The following PODN variants were observed in gnomAD, a reference collection of about 807,000 sequenced individuals.
PODN encodes podocan proteoglycan.
PODN carries 40 observed loss-of-function variants against 52.7 expected under a neutral mutation model. The ratio of observed to expected loss-of-function variants is 0.76; its 90% CI spans 0.59 to 0.99. The LOEUF is 0.99. Ranked by LOEUF, PODN falls within the 50% of genes least tolerant of loss-of-function variation. PODN has a pLI of 0.00. For synonymous variants in PODN, 396 were observed against 377.9 expected (o/e 1.05, Z -0.56); for missense variants, 720 against 815.1 (o/e 0.88, Z 1.42).
chr1:53,062,317 C>A lies in PODN; in HGVS notation c.-56+9C>A. 1 of 1,247,228 alleles carries A rather than the reference C, an allele frequency of 8.0e-7. No homozygotes were observed. Among genetic ancestry groups the A allele is most frequent in the South Asian group, 4.1e-5 (1 of 24,540 alleles). The allele number at this position is 1,247,228 out of a possible 1,614,324, so 77.3% of individuals were successfully genotyped here. On this transcript the variant is annotated intron_variant, in intron 1 of 10. Transcript: ENST00000312553. ...GCGCCGGGGCGCAGCAGGTACAGGG[C>A]GCTGGCAGCCGGGGTGGGCCGAGGG...
chr1:53,068,459 C>T (rs1644064597), intron 1 of PODN, among the ~76,000 whole-genome samples: 3 of 152,206 alleles, frequency 2.0e-5, no homozygotes. Context: ...TTGCCGCTGT[C>T]CCTGCTGCTC....
In PODN at chr1:53,082,090, G is replaced by T. The variant is rs1400384213; in HGVS notation, c.1771G>T (p.Asp591Tyr). The T allele has an allele frequency of 9.9e-6, 16 of 1,614,090 alleles. No individual in the cohort carries two copies. In the East Asian group the frequency reaches 3.6e-4, roughly 36 times the overall value. ...GNLEFGDISK[D>Y]RGRLGKEKEE... The stretch of plus-strand genomic sequence containing the variant: ...CTTAGAGTTTGGTGACATTTCCAAG[G>T]ACCGTGGCCGCTTGGGGAAGGAAAA... Residue 591 changes from aspartate to tyrosine, a missense_variant, in exon 10 of 11, where the codon GAC becomes TAC. Coordinates refer to ENST00000312553, the MANE Select transcript of PODN (RefSeq NM_153703.5).
chr1:53,077,060 C>A, intron 5 of PODN, 130 bp from the exon 6 acceptor site: 1 of 1,168,920 alleles, frequency 8.6e-7, no homozygotes, highest in Non-Finnish European at 1.2e-6. Context: ...ATCTGAGGTG[C>A]TTCTAACTCT....
rs764670094 is a variant in PODN, at chr1:53,082,100, G to T, written c.1781G>T (p.Arg594Leu). ...GGTGACATTTCCAAGGACCGTGGCC[G>T]CTTGGGGAAGGAAAAGGAGGAGGAG... ...EFGDISKDRG[R>L]LGKEKEEEEE... The change falls in exon 10 of 11, where the codon CGC (arginine) becomes CTC (leucine). Residue 594 changes from arginine (R) to leucine (L), a missense_variant. Coordinates refer to ENST00000312553, the MANE Select transcript of PODN (RefSeq NM_153703.5). The T allele has an allele frequency of 1.2e-6, 2 of 1,613,832 alleles. No homozygotes were observed. The highest frequency in any genetic ancestry group is 1.7e-6 in the Non-Finnish European group (2 of 1,179,994).
At chr1:53,077,906 C>A (rs990609030) in intron 7 of PODN, 106 bp downstream of exon 7, 1 of 834,288 alleles carries the variant, frequency 1.2e-6, no homozygotes, top group African/African-American at 1.7e-5. Context: ...GTCCCCTGCC[C>A]ACCTTCCCTG....
In PODN at chr1:53,078,351, C is replaced by G; in HGVS notation, c.855-14C>G. On this transcript the variant is annotated splice_polypyrimidine_tract_variant and intron_variant, in intron 7 of 10. Coordinates refer to ENST00000312553, the MANE Select transcript of PODN (RefSeq NM_153703.5). ...GGGCTCTTGCCAACCGTCCTAATTC[C>G]CTCCCTGCCCCAGGAAGCTCTCCAG... 8 of 1,602,774 alleles carry G rather than the reference C, an allele frequency of 5.0e-6. No homozygotes were observed. The highest frequency in any genetic ancestry group is 6.0e-6 in the Non-Finnish European group (7 of 1,171,884).
rs775107579 is a variant in PODN at position 53,080,739 on chromosome 1, C to T, written c.1524C>T (p.Ile508=). Residue 508 remains isoleucine, a synonymous_variant, in exon 9 of 11, where the codon ATC becomes ATT. Coordinates refer to ENST00000312553, the MANE Select transcript of PODN (RefSeq NM_153703.5). ...VDLAHLQLLD[I]AGNQLTEIPE... ...GGTCACCCCTGCAGCTGCTGGACAT[C>T]GCCGGGAATCAGCTCACAGAGATCC... is the stretch of plus-strand genomic sequence containing the variant. 76 of 1,613,760 alleles carry T rather than the reference C, an allele frequency of 4.7e-5. No individual in the cohort carries two copies. Among genetic ancestry groups the T allele is most frequent in the Non-Finnish European group, 5.9e-5 (70 of 1,179,904 alleles).
chr1:53,078,516 G>A lies in PODN; in HGVS notation c.1006G>A (p.Glu336Lys). Residue 336 changes from glutamate (E) to lysine (K), a missense_variant, in exon 8 of 11, where the codon GAG becomes AAG. Physicochemically the swap from Glu to Lys is moderately conservative, Grantham distance 56. Coordinates refer to ENST00000312553, the MANE Select transcript of PODN (RefSeq NM_153703.5). ...ANVLTPIRSL[E>K]YLLLHSNQLR... ...TGTGCTGACCCCCATCCGCAGCCTG[G>A]AGTACCTGCTGCTGCACAGCAACCA... The A allele has an allele frequency of 6.2e-7, 1 of 1,613,300 alleles. No homozygotes were observed. The highest frequency in any genetic ancestry group is 8.5e-7 in the Non-Finnish European group (1 of 1,180,042).
At chr1:53,079,803 C>T (rs1435194228) in intron 8 of PODN, among the ~76,000 whole-genome samples, 2 of 151,478 alleles carry the variant, frequency 1.3e-5, no homozygotes, top group South Asian at 2.1e-4. Context: ...GAGGCTTGCC[C>T]GGGCAACATA....
chr1:53,067,915 TAAAA>T (rs71844234), intron 1 of PODN, among the ~76,000 whole-genome samples: 2 of 96,356 alleles, frequency 2.1e-5, no homozygotes, highest in African/African-American at 4.1e-5. Context: ...GGCCTTGTCT[TAAAA>T]AAAAAAAAAA....
chr1:53,063,825 C>T lies in PODN; in HGVS notation c.-56+1517C>T, dbSNP rs530991081. On this transcript the variant is annotated intron_variant, in intron 1 of 10. Transcript: ENST00000312553. ...TGTAGTCATACATGCGAGTGCTGGC[C>T]GTGTCCTGCTTGGAACCCTTAATGA... Among the ~76,000 whole-genome samples the T allele has an allele frequency of 6.8e-4, 104 of 152,244 alleles. 1 individual carries two copies. Among genetic ancestry groups the T allele is most frequent in the Admixed American group, 1.3e-3 (20 of 15,298 alleles).
At chr1:53,077,927 T>G (rs1286083363) in intron 7 of PODN, 127 bp downstream of exon 7, 7 of 703,228 alleles carry the variant, frequency 1.0e-5, no homozygotes, top group Non-Finnish European at 1.7e-5. Flanking sequence ...GAGAAGGAAC[T>G]TTAAGCCTTG....
rs1000667242 is a variant in PODN at position 53,071,604 on chromosome 1, C to T, written c.382C>T (p.Gln128Ter). Residue 128 changes from glutamine (Q) to a stop codon, truncating the protein, a stop_gained, in exon 3 of 11, where the codon CAA (glutamine) becomes TAA (stop). Coordinates refer to ENST00000312553, the MANE Select transcript of PODN (RefSeq NM_153703.5). LOFTEE classifies it high-confidence loss of function. ...RLHRLETLNL[Q>*]NNRLTSRGLP... ...GCACCGGCTGGAGACGCTGAACCTG[C>T]AAAACAACCGCCTGACTTCCCGAGG... 6.2e-7 allele frequency: 1 copy of T among 1,613,706 alleles called. No individual in the cohort carries two copies. Among genetic ancestry groups the T allele is most frequent in the Admixed American group, 1.7e-5 (1 of 59,990 alleles).
chr1:53,075,741 G>A, intron 4 of PODN, 121 bp from the exon 5 acceptor site: 2 of 756,720 alleles, frequency 2.6e-6, no homozygotes, highest in Non-Finnish European at 4.5e-6. Context: ...TTCAATTTGA[G>A]AAAGATGGCC....
At position 53,078,642 on chromosome 1, in the gene PODN, C is replaced by T. The variant is rs1366642435; in HGVS notation, c.1132C>T (p.Leu378=). ...NNALERVPSG[L]PRRVRTLMIL... ...CGCGCTGGAGCGCGTGCCCAGTGGCCTGCCTCGCCGCGTGCGCACCCTCAT... is the reference window on the plus strand; with the variant it reads ...CGCGCTGGAGCGCGTGCCCAGTGGCTTGCCTCGCCGCGTGCGCACCCTCAT... Residue 378 remains leucine (L), a synonymous_variant, in exon 8 of 11, where the codon CTG becomes TTG. Transcript: ENST00000312553. 1.9e-6 allele frequency: 3 copies of T among 1,612,932 alleles called. No homozygotes were observed. The highest frequency in any genetic ancestry group is 2.5e-6 in the Non-Finnish European group (3 of 1,179,976).
intron 8 of PODN, among the ~76,000 whole-genome samples, chr1:53,080,194 A>C (rs532285302): frequency 1.9e-3 from 282 of 152,248 alleles, no homozygotes; most frequent in African/African-American, 6.4e-3. Context: ...TGCTGGGGTC[A>C]CTGTGGGTCT....
At chr1:53,071,724 G>A (rs34107528) in intron 3 of PODN, 96 bp downstream of exon 3, 59,785 of 1,223,194 alleles carry the variant, frequency 0.049, 1,704 homozygotes, top group Non-Finnish European at 0.057. Flanking sequence ...TTGGCCCTGC[G>A]GATCTTGGGG....
intron 3 of PODN, among the ~76,000 whole-genome samples, chr1:53,071,970 T>C (rs1644126156): frequency 6.6e-6 from 1 of 152,074 alleles, no homozygotes; most frequent in Admixed American, 6.5e-5. Flanking sequence ...TTCTGTAGTA[T>C]ATAAGTTTGT....
At chr1:53,066,766 T>C (rs1015429138) in intron 1 of PODN, 48 of 1,492,258 alleles carry the variant, frequency 3.2e-5, no homozygotes, top group Non-Finnish European at 4.4e-5. Flanking sequence ...ACATTTTCAG[T>C]ACGGTGCAGA....
Sources: gnomAD v4.1 joint callset for allele counts (sites outside exome capture counted in the v4.1 genomes callset) on GRCh38, gnomAD v4.1.1 for gene constraint, MANE v1.5 for transcripts, NCBI Gene and HGNC (gene_info 2026-07-23, HGNC 2026-07-21) for gene names.